VAT1L: variants seen among roughly 807,000 people sequenced by gnomAD.
VAT1L encodes putative NADPH-dependent quinone oxidoreductase VAT1L.
Under a neutral mutation model 44.1 loss-of-function variants are expected in VAT1L, and 34 were observed. The ratio of observed to expected loss-of-function variants is 0.77; its 90% CI spans 0.59 to 1.03. VAT1L has a LOEUF of 1.03. Among genes scored for constraint, VAT1L ranks in the 50% least tolerant of loss-of-function variants. The pLI is 0.00. For missense variants in VAT1L, 615 were observed against 538.8 expected (o/e 1.14, Z -1.40); for synonymous variants, 253 against 202.2 (o/e 1.25, Z -2.13).
At chr16:77,925,061 C>G (rs2017651342) in intron 7 of VAT1L, among the ~76,000 whole-genome samples, 1 of 152,108 alleles carries the variant, frequency 6.6e-6, no homozygotes, top group Non-Finnish European at 1.5e-5. Context: ...TTATGTAAAG[C>G]TCCTCATGGA....
intron 3 of VAT1L, among the ~76,000 whole-genome samples, chr16:77,855,469 C>G (rs2016848888): frequency 6.6e-6 from 1 of 152,076 alleles, no homozygotes; most frequent in Non-Finnish European, 1.5e-5. Context: ...CCCGACATGC[C>G]CACACACTCC....
At chr16:77,946,682 T>C (rs1273734916) in intron 7 of VAT1L, among the ~76,000 whole-genome samples, 2 of 152,234 alleles carry the variant, frequency 1.3e-5, no homozygotes, top group African/African-American at 2.4e-5. Flanking sequence ...AAAATGAACA[T>C]GTCACTCTGG....
intron 1 of VAT1L, among the ~76,000 whole-genome samples, chr16:77,791,018 T>G (rs1015167861): frequency 2.0e-5 from 3 of 152,212 alleles, no homozygotes; most frequent in African/African-American, 7.2e-5. Context: ...CAGGTACATT[T>G]GGAATACAGT....
chr16:77,936,111 C>T (rs76781305), intron 7 of VAT1L, among the ~76,000 whole-genome samples: 2 of 152,170 alleles, frequency 1.3e-5, no homozygotes, highest in African/African-American at 2.4e-5. Context: ...TATCGCACCA[C>T]TGACTTTTCT....
At chr16:77,862,971 G>C in intron 4 of VAT1L, 81 bp downstream of exon 4, 3 of 1,496,526 alleles carry the variant, frequency 2.0e-6, no homozygotes, top group Non-Finnish European at 2.7e-6. Flanking sequence ...TTAAAAGAGG[G>C]ATAATAATAA....
intron 7 of VAT1L, among the ~76,000 whole-genome samples, chr16:77,916,329 C>T (rs953376723): frequency 2.0e-5 from 3 of 152,146 alleles, no homozygotes; most frequent in South Asian, 2.1e-4. Flanking sequence ...CATGGTATGG[C>T]GCAAGGGGCT....
At chr16:77,855,012 G>T (rs1011080593) in intron 3 of VAT1L, among the ~76,000 whole-genome samples, 2 of 152,142 alleles carry the variant, frequency 1.3e-5, no homozygotes, top group African/African-American at 4.8e-5. Context: ...GAACTGAAGA[G>T]ACCACAGAGA....
intron 3 of VAT1L, among the ~76,000 whole-genome samples, chr16:77,840,943 T>C (rs2016698063): frequency 6.6e-6 from 1 of 152,248 alleles, no homozygotes. Context: ...TCAAATTACA[T>C]AAACATGCTT....
chr16:77,857,837 T>TC (rs2016876839), intron 3 of VAT1L, among the ~76,000 whole-genome samples: 1 of 55,264 alleles, frequency 1.8e-5, no homozygotes, highest in South Asian at 6.1e-4. Context: ...TATCTCTCTC[T>TC]TTTTTTTTTT....
At chr16:77,934,832 G>A (rs1247259055) in intron 7 of VAT1L, among the ~76,000 whole-genome samples, 1 of 152,170 alleles carries the variant, frequency 6.6e-6, no homozygotes, top group African/African-American at 2.4e-5. Context: ...ACCAATTTGT[G>A]CCAGGTCTTA....
chr16:77,792,229 G>A (rs1448782920), intron 1 of VAT1L, among the ~76,000 whole-genome samples: 1 of 152,116 alleles, frequency 6.6e-6, no homozygotes. Flanking sequence ...TATGCTGCTT[G>A]GTGACCTACA....
intron 3 of VAT1L, among the ~76,000 whole-genome samples, chr16:77,831,458 T>A (rs933450175): frequency 1.3e-5 from 2 of 152,198 alleles, no homozygotes; most frequent in African/African-American, 2.4e-5. Context: ...CTTCCATGTA[T>A]GTGTCATACT....
intron 7 of VAT1L, among the ~76,000 whole-genome samples, chr16:77,968,383 G>A (rs1170340428): frequency 6.6e-6 from 1 of 152,194 alleles, no homozygotes; most frequent in Admixed American, 6.5e-5. Flanking sequence ...TCCTGAAAGA[G>A]GAGGAACACG....
chr16:77,859,074 G>T (rs1342899238), intron 3 of VAT1L, among the ~76,000 whole-genome samples: 1 of 151,788 alleles, frequency 6.6e-6, no homozygotes, highest in African/African-American at 2.4e-5. Context: ...GGCAGAGGTT[G>T]TGGTGAGCTA....
chr16:77,842,999 G>A (rs2016721841), intron 3 of VAT1L, among the ~76,000 whole-genome samples: 1 of 152,128 alleles, frequency 6.6e-6, no homozygotes, highest in Non-Finnish European at 1.5e-5. Context: ...AACTCATTTT[G>A]AGATTTAAGA....
At chr16:77,957,299 T>A (rs2018113980) in intron 7 of VAT1L, among the ~76,000 whole-genome samples, 1 of 152,174 alleles carries the variant, frequency 6.6e-6, no homozygotes, top group Admixed American at 6.5e-5. Context: ...TATGAGTAAA[T>A]AAAACCAGTG....
intron 4 of VAT1L, among the ~76,000 whole-genome samples, chr16:77,875,063 C>T (rs1000437859): frequency 6.6e-6 from 1 of 152,176 alleles, no homozygotes; most frequent in African/African-American, 2.4e-5. Flanking sequence ...GGTTTGAGAT[C>T]CACTGTCCTA....
intron 3 of VAT1L, among the ~76,000 whole-genome samples, chr16:77,861,010 C>G (rs9929101): frequency 0.011 from 1,635 of 152,290 alleles, 30 homozygotes; most frequent in African/African-American, 0.037. Context: ...TAACCTTAAC[C>G]TTTCTGAATG....
intron 7 of VAT1L, among the ~76,000 whole-genome samples, chr16:77,935,583 GAAGA>G (rs2017785544): frequency 6.6e-6 from 1 of 151,724 alleles, no homozygotes; most frequent in Admixed American, 6.6e-5. Context: ...GAGAAAAGGA[GAAGA>G]AAGGAGTGAG....
Sources: gnomAD v4.1 joint callset for allele counts (sites outside exome capture counted in the v4.1 genomes callset) on GRCh38, gnomAD v4.1.1 for gene constraint, MANE v1.5 for transcripts, NCBI Gene and HGNC (gene_info 2026-07-23, HGNC 2026-07-21) for gene names.